Variants in CTNNB1 observed in about 807,000 individuals in gnomAD.
The protein encoded by CTNNB1 is catenin beta-1.
CTNNB1 carries 6 observed loss-of-function variants against 82.5 expected under a neutral mutation model. That is an observed-to-expected ratio of 0.07 (90% confidence interval 0.04 to 0.14). CTNNB1 has a LOEUF of 0.14. CTNNB1 is among the 10% of genes least tolerant of loss of function. CTNNB1 has a pLI of 1.00. For synonymous variants in CTNNB1, 312 were observed against 329.7 expected (o/e 0.95, Z 0.58); for missense variants, 529 against 980.4 (o/e 0.54, Z 6.15).
In CTNNB1 at chr3:41,225,891, A is replaced by G. The variant is rs1306716733; in HGVS notation, c.936+30A>G. 3.1e-6 allele frequency: 5 copies of G among 1,587,824 alleles called. No individual in the cohort carries two copies. Among genetic ancestry groups the G allele is most frequent in the Non-Finnish European group, 4.3e-6 (5 of 1,159,066 alleles). ...GAGAATTATTCTTTATGTGGTTTTC[A>G]TGGAGCATTGGACACCTCCAGTGTC... is the stretch of plus-strand genomic sequence containing the variant. On this transcript the variant is annotated intron_variant, in intron 6 of 14. Transcript: ENST00000349496. The surrounding 1 kb of genome is among the most constrained non-coding windows in gnomAD (Gnocchi z 5.3).
At chr3:41,228,196 C>CT (rs2125630013) in intron 7 of CTNNB1, among the ~76,000 whole-genome samples, 2 of 152,094 alleles carry the variant, frequency 1.3e-5, no homozygotes, top group South Asian at 4.2e-4. Flanking sequence ...ATGCATGTGT[C>CT]TTTATGGTAA....
intron 10 of CTNNB1, chr3:41,235,414 C>T (rs773267751): frequency 1.1e-5 from 4 of 379,212 alleles, no homozygotes; most frequent in South Asian, 9.1e-5. Context: ...ACTTTCTCAT[C>T]TTCTCTTTTT....
At chr3:41,219,586 G>A (rs867608692) in intron 1 of CTNNB1, among the ~76,000 whole-genome samples, 1 of 152,180 alleles carries the variant, frequency 6.6e-6, no homozygotes, top group East Asian at 1.9e-4. Context: ...TAGGATGGGC[G>A]GGTGATGGTA....
chr3:41,213,122 T>G (rs532129530), intron 1 of CTNNB1, among the ~76,000 whole-genome samples: 32 of 152,342 alleles, frequency 2.1e-4, no homozygotes, highest in African/African-American at 7.7e-4. Flanking sequence ...GCTAGAGAGC[T>G]CTACGTGATC....
intron 7 of CTNNB1, 143 bp downstream of exon 7, chr3:41,227,495 G>C: frequency 1.2e-6 from 1 of 831,858 alleles, no homozygotes; most frequent in South Asian, 1.4e-5. Context: ...TACATTCAGA[G>C]TACCTGTCAT....
intron 1 of CTNNB1, among the ~76,000 whole-genome samples, chr3:41,201,851 C>G (rs1016570633): frequency 4.6e-5 from 7 of 151,920 alleles, no homozygotes; most frequent in African/African-American, 1.7e-4. Flanking sequence ...TAAAATTTAT[C>G]AGACTGAGCT....
At chr3:41,231,186 G>T (rs1235093383) in intron 7 of CTNNB1, among the ~76,000 whole-genome samples, 1 of 152,170 alleles carries the variant, frequency 6.6e-6, no homozygotes, top group Non-Finnish European at 1.5e-5. Context: ...AGTTAGCCGG[G>T]CGTGGTGGCA....
intron 1 of CTNNB1, among the ~76,000 whole-genome samples, chr3:41,207,783 T>C (rs890846599): frequency 6.6e-6 from 1 of 152,208 alleles, no homozygotes; most frequent in East Asian, 1.9e-4. Flanking sequence ...AATGTTCCTT[T>C]CTTTCTTATT....
At chr3:41,209,402 C>CT (rs2077725357) in intron 1 of CTNNB1, among the ~76,000 whole-genome samples, 1 of 152,174 alleles carries the variant, frequency 6.6e-6, no homozygotes, top group Non-Finnish European at 1.5e-5. Flanking sequence ...GCATCTTAGT[C>CT]TTTTCCGAAA....
chr3:41,219,094 C>T (rs1440052403), intron 1 of CTNNB1, among the ~76,000 whole-genome samples: 1 of 152,172 alleles, frequency 6.6e-6, no homozygotes, highest in Non-Finnish European at 1.5e-5. Flanking sequence ...AAAGCCTATT[C>T]AGGATGTATC....
At chr3:41,220,692 C>T (rs539848661) in intron 1 of CTNNB1, 16 of 152,244 alleles carry the variant, frequency 1.1e-4, no homozygotes, top group African/African-American at 3.6e-4. Flanking sequence ...GTAGCACTTT[C>T]TAACTTTAAA....
chr3:41,201,264 A>C (rs529583787), intron 1 of CTNNB1, among the ~76,000 whole-genome samples: 1 of 152,184 alleles, frequency 6.6e-6, no homozygotes, highest in Non-Finnish European at 1.5e-5. Flanking sequence ...TATTGACATA[A>C]ATTTCTACTT....
In CTNNB1 at chr3:41,227,363, G is replaced by A. The variant is rs902761560; in HGVS notation, c.1081+11G>A. On this transcript the variant is annotated intron_variant, in intron 7 of 14. Coordinates refer to ENST00000349496, the MANE Select transcript of CTNNB1 (RefSeq NM_001904.4). Reference sequence around the variant, plus strand: ...CTATTGTAGAAGCTGGTAAGTATATGTATCTATTCTGAGTCTTGTGTATAG... The same window carrying A: ...CTATTGTAGAAGCTGGTAAGTATATATATCTATTCTGAGTCTTGTGTATAG... 2 of 1,613,490 alleles carry A rather than the reference G, an allele frequency of 1.2e-6. No individual in the cohort carries two copies. Among genetic ancestry groups the A allele is most frequent in the Admixed American group, 3.3e-5 (2 of 59,998 alleles).
At chr3:41,238,796 C>T (rs997628341) in intron 14 of CTNNB1, among the ~76,000 whole-genome samples, 2 of 152,180 alleles carry the variant, frequency 1.3e-5, no homozygotes, top group African/African-American at 4.8e-5. Flanking sequence ...GGTGGTCACA[C>T]AGTAGATTCC....
intron 7 of CTNNB1, 85 bp downstream of exon 7, chr3:41,227,437 C>CT: frequency 7.2e-7 from 1 of 1,394,072 alleles, no homozygotes; most frequent in South Asian, 1.2e-5. Flanking sequence ...GGTGGTAGAA[C>CT]TTTAACTACT....
chr3:41,209,972 A>T (rs2077740230), intron 1 of CTNNB1, among the ~76,000 whole-genome samples: 1 of 152,162 alleles, frequency 6.6e-6, no homozygotes, highest in Admixed American at 6.5e-5. Flanking sequence ...ACTTTTTTCT[A>T]TAATAAACCT....
intron 1 of CTNNB1, chr3:41,220,801 T>G (rs1046646386): frequency 2.0e-5 from 3 of 152,228 alleles, no homozygotes; most frequent in African/African-American, 7.2e-5. Flanking sequence ...TATATTTTTA[T>G]GTAGCAGATT....
intron 1 of CTNNB1, among the ~76,000 whole-genome samples, chr3:41,200,861 C>G (rs578103013): frequency 6.6e-6 from 1 of 152,292 alleles, no homozygotes; most frequent in African/African-American, 2.4e-5. Flanking sequence ...TTTGTATCTT[C>G]CAGACATCTG....
chr3:41,226,201 T>G (rs1164951626), intron 6 of CTNNB1, among the ~76,000 whole-genome samples: 1 of 152,260 alleles, frequency 6.6e-6, no homozygotes, highest in African/African-American at 2.4e-5. Flanking sequence ...CCTCCTGCTG[T>G]GCAGCCCAGT....
Sources: gnomAD v4.1 joint callset for allele counts (sites outside exome capture counted in the v4.1 genomes callset) on GRCh38, gnomAD v4.1.1 for gene constraint, Gnocchi (gnomAD v3.1) non-coding constraint, MANE v1.5 for transcripts, NCBI Gene and HGNC (gene_info 2026-07-23, HGNC 2026-07-21) for gene names.